Variants in ZNF148 observed in about 807,000 individuals in gnomAD.
ZNF148 encodes Beta-Enolase Repressor Factor-1.
ZNF148 carries 7 observed loss-of-function variants against 67.7 expected under a neutral mutation model. The observed-to-expected ratio is 0.10, with a 90% CI of 0.06 to 0.19. The LOEUF (loss-of-function observed/expected upper bound fraction) is 0.19. Among genes scored for constraint, ZNF148 ranks in the 10% least tolerant of loss-of-function variants. The pLI is 1.00. For missense variants in ZNF148, 583 were observed against 947.1 expected, an observed-to-expected ratio of 0.62 and a Z score of 5.05; for synonymous variants, 333 against 330.7, an observed-to-expected ratio of 1.01 and a Z score of -0.08.
rs546378495 is a variant in ZNF148 at position 125,347,708 on chromosome 3, T to G, written c.-233-16470A>C. On this transcript the variant is annotated intron_variant, in intron 1 of 8. Coordinates refer to ENST00000360647, the MANE Select transcript of ZNF148 (RefSeq NM_021964.3). Reference sequence around the variant, plus strand: ...TCAGCCTCCTAATTTTATGTATTCTTTTTATAGAGGTGGGGTCTCATTATG... The same window carrying G: ...TCAGCCTCCTAATTTTATGTATTCTGTTTATAGAGGTGGGGTCTCATTATG... Among the ~76,000 whole-genome samples the G allele has an allele frequency of 2.0e-5, 3 of 152,028 alleles. No homozygotes were observed. In the South Asian group the frequency reaches 6.2e-4, roughly 32 times the overall value.
intron 4 of ZNF148, chr3:125,311,108 C>A: frequency 5.0e-6 from 1 of 201,156 alleles, no homozygotes; most frequent in East Asian, 1.2e-4. Context: ...GCTCTTCCTT[C>A]TGGATGTTAC....
intron 1 of ZNF148, among the ~76,000 whole-genome samples, chr3:125,334,588 G>A (rs1941415370): frequency 6.6e-6 from 1 of 152,102 alleles, no homozygotes. Flanking sequence ...AGTGTTCCTA[G>A]GACACTACAG....
intron 6 of ZNF148, 130 bp downstream of exon 6, chr3:125,278,994 G>T: frequency 1.0e-6 from 1 of 959,134 alleles, no homozygotes; most frequent in Non-Finnish European, 1.4e-6. Flanking sequence ...TGACATTCTG[G>T]CCTACAAAAT....
At chr3:125,287,903 G>T (rs1938786018) in intron 5 of ZNF148, among the ~76,000 whole-genome samples, 200 bp downstream of exon 5, 1 of 152,156 alleles carries the variant, frequency 6.6e-6, no homozygotes, top group African/African-American at 2.4e-5. Flanking sequence ...TTCACTTTTA[G>T]ACAAGTCAGG....
intron 3 of ZNF148, among the ~76,000 whole-genome samples, chr3:125,317,552 T>A (rs1208293619): frequency 6.6e-6 from 1 of 150,834 alleles, no homozygotes; most frequent in African/African-American, 2.4e-5. Flanking sequence ...ATGCAGCCAT[T>A]AAAAGGAATG....
chr3:125,352,614 A>G (rs946395400), intron 1 of ZNF148, among the ~76,000 whole-genome samples: 2 of 152,030 alleles, frequency 1.3e-5, no homozygotes, highest in African/African-American at 4.8e-5. Flanking sequence ...GGAAGATCTA[A>G]GTAAACGGAG....
chr3:125,367,206 G>A (rs1942729304), intron 1 of ZNF148, among the ~76,000 whole-genome samples: 1 of 152,128 alleles, frequency 6.6e-6, no homozygotes, highest in Non-Finnish European at 1.5e-5. Flanking sequence ...AACTTCTGTT[G>A]ACTCTTATCC....
intron 7 of ZNF148, among the ~76,000 whole-genome samples, chr3:125,236,616 T>C (rs1936104331): frequency 1.3e-5 from 2 of 152,188 alleles, no homozygotes; most frequent in Admixed American, 1.3e-4. Context: ...GAAGAGAATT[T>C]AATTTGGCCA....
Position 125,233,677 on chromosome 3 carries a change from G to T in ZNF148, c.1049C>A (p.Ser350Tyr). 1.2e-6 allele frequency: 2 copies of T among 1,613,920 alleles called. No individual in the cohort carries two copies. Among genetic ancestry groups the T allele is most frequent in the Non-Finnish European group, 1.7e-6 (2 of 1,179,900 alleles). ...CTCATCTTTTACTTTAGTACTTGAAGAATAAAGAGGCAAGTAATCATTTTT... is the reference window on the plus strand; with the variant it reads ...CTCATCTTTTACTTTAGTACTTGAATAATAAAGAGGCAAGTAATCATTTTT... ...KDKNDYLPLY[S>Y]SSTKVKDEYM... Residue 350 changes from serine to tyrosine, a missense_variant, in exon 9 of 9, where the codon TCT becomes TAT. Coordinates refer to ENST00000360647, the MANE Select transcript of ZNF148 (RefSeq NM_021964.3). The surrounding 1 kb of genome is among the most constrained non-coding windows in gnomAD (Gnocchi z 5.1).
At chr3:125,373,903 G>A (rs1212238527) in intron 1 of ZNF148, among the ~76,000 whole-genome samples, 3 of 152,136 alleles carry the variant, frequency 2.0e-5, no homozygotes, top group African/African-American at 4.8e-5. Context: ...ATAATCTTGT[G>A]TACTGCAATC....
intron 4 of ZNF148, among the ~76,000 whole-genome samples, chr3:125,306,852 G>A (rs1472207688): frequency 6.6e-6 from 1 of 152,074 alleles, no homozygotes; most frequent in Non-Finnish European, 1.5e-5. Flanking sequence ...GGGCAACAGA[G>A]CAAGACCTTG....
intron 7 of ZNF148, among the ~76,000 whole-genome samples, chr3:125,271,385 G>A (rs749036158): frequency 9.2e-5 from 14 of 152,192 alleles, no homozygotes; most frequent in Non-Finnish European, 1.6e-4. Flanking sequence ...TCGTTTCAGC[G>A]AAGCGTAGAA....
intron 2 of ZNF148, among the ~76,000 whole-genome samples, chr3:125,328,998 GATATATATAT>G (rs10565589): frequency 6.8e-6 from 1 of 147,426 alleles, no homozygotes; most frequent in Non-Finnish European, 1.5e-5. Flanking sequence ...TTATACTACT[GATATATATAT>G]ATATATATAT....
At position 125,229,593 on chromosome 3, in the gene ZNF148, T is replaced by C. The variant is rs1377393820; in HGVS notation, c.*2748A>G. The C allele has an allele frequency of 1.3e-5, 2 of 152,016 alleles. No homozygotes were observed. Among genetic ancestry groups the C allele is most frequent in the East Asian group, 1.9e-4 (1 of 5,186 alleles). The allele number at this position is 152,016 out of a possible 1,614,324, so 9.4% of individuals were successfully genotyped here. A position where few individuals can be genotyped will look rare whatever the true frequency, so the allele number is the denominator to read the frequency against. On this transcript the variant is annotated 3_prime_UTR_variant, in exon 9 of 9. Transcript: ENST00000360647. ...GATGTTTCCAATCTTCAAACGTGAGTAGGTCCCAAGAGGAAAAGCACACCT... is the reference window on the plus strand; with the variant it reads ...GATGTTTCCAATCTTCAAACGTGAGCAGGTCCCAAGAGGAAAAGCACACCT...
chr3:125,253,845 T>C (rs995755822), intron 7 of ZNF148, among the ~76,000 whole-genome samples: 2 of 152,144 alleles, frequency 1.3e-5, no homozygotes, highest in Non-Finnish European at 2.9e-5. Flanking sequence ...TAAACCCATG[T>C]TGATAAGACA....
At chr3:125,300,783 T>G (rs1939543674) in intron 4 of ZNF148, among the ~76,000 whole-genome samples, 1 of 64,516 alleles carries the variant, frequency 1.6e-5, no homozygotes, top group South Asian at 3.8e-4. Flanking sequence ...TTCTAGAAGA[T>G]GAATGCAGCA....
In ZNF148 at chr3:125,289,766, A is replaced by T. The variant is rs140282460; in HGVS notation, c.334-1538T>A. 1.9e-4 allele frequency among the ~76,000 whole-genome samples: 29 copies of T among 152,316 alleles called. No homozygotes were observed. The East Asian group carries it at 3.7e-3, about 19-fold the overall frequency. On this transcript the variant is annotated intron_variant, in intron 4 of 8. Transcript: ENST00000360647. ...GGAAATGTAGCATGTGGCAACAAAA[A>T]AGAGGAACTCTTTTTAGCAAGTGTC... is the stretch of plus-strand genomic sequence containing the variant.
intron 7 of ZNF148, among the ~76,000 whole-genome samples, chr3:125,264,099 C>T (rs1937466128): frequency 6.6e-6 from 1 of 152,232 alleles, no homozygotes; most frequent in Admixed American, 6.5e-5. Context: ...ACTTGGGACC[C>T]TTCCAGACCT....
intron 3 of ZNF148, among the ~76,000 whole-genome samples, chr3:125,318,911 TC>T (rs1164236622): frequency 3.9e-5 from 6 of 152,138 alleles, no homozygotes; most frequent in African/African-American, 1.4e-4. Context: ...CTCATCACCA[TC>T]CCTCTGCGAG....
Sources: gnomAD v4.1 joint callset for allele counts (sites outside exome capture counted in the v4.1 genomes callset) on GRCh38, gnomAD v4.1.1 for gene constraint, Gnocchi (gnomAD v3.1) non-coding constraint, MANE v1.5 for transcripts, NCBI Gene and HGNC (gene_info 2026-07-23, HGNC 2026-07-21) for gene names.